HHIPL1: variants seen among roughly 807,000 people sequenced by gnomAD.
HHIPL1 encodes HHIP like 1.
Under a neutral mutation model 61.8 loss-of-function variants are expected in HHIPL1, and 43 were observed. The observed-to-expected ratio is 0.70, with a 90% CI of 0.55 to 0.90. HHIPL1 has a LOEUF of 0.90. Ranked by LOEUF, HHIPL1 falls within the 40% of genes least tolerant of loss-of-function variation. The pLI, the probability that HHIPL1 is intolerant of heterozygous loss-of-function variation, is 0.00. For missense variants in HHIPL1, 1,056 were observed against 1,157.7 expected, an observed-to-expected ratio of 0.91 and a Z score of 1.28; for synonymous variants, 482 against 515.8, an observed-to-expected ratio of 0.93 and a Z score of 0.89.
At chr14:99,665,693 C>T (rs2056233217) in intron 6 of HHIPL1, among the ~76,000 whole-genome samples, 1 of 152,224 alleles carries the variant, frequency 6.6e-6, no homozygotes, top group Non-Finnish European at 1.5e-5. Context: ...CTCGGCCTCC[C>T]AAAGTGCTGG....
At position 99,660,270 on chromosome 14, in the gene HHIPL1, C is replaced by T. The variant is rs1169087101; in HGVS notation, c.1376-10C>T. 1 of 1,614,002 alleles carries T rather than the reference C, an allele frequency of 6.2e-7. No homozygotes were observed. Among genetic ancestry groups the T allele is most frequent in the East Asian group, 2.2e-5 (1 of 44,832 alleles). On this transcript the variant is annotated splice_polypyrimidine_tract_variant and intron_variant, in intron 4 of 8. Transcript: ENST00000330710. This position sits in a 1 kb window ranked among gnomAD's most constrained non-coding sequence, Gnocchi z 4.9. ...GGCTCACCGAAGCTTCTCTCCCTCC[C>T]ACCCCGCAGATGACTTGCTGCCGAT...
In HHIPL1 at chr14:99,652,261, A is replaced by C. The variant is rs1464761745; in HGVS notation, c.293A>C (p.Glu98Ala). 6.2e-7 allele frequency: 1 copy of C among 1,612,402 alleles called. No individual in the cohort carries two copies. Among genetic ancestry groups the C allele is most frequent in the Non-Finnish European group, 8.5e-7 (1 of 1,179,220 alleles). Reference protein sequence around the residue: ...SPYAAHLYDAEDPFTPLRTVP... With the variant: ...SPYAAHLYDAADPFTPLRTVP... ...TATGCAGCCCACCTCTATGACGCCGAGGACCCATTCACGCCCCTGCGCACG... is the reference window on the plus strand; with the variant it reads ...TATGCAGCCCACCTCTATGACGCCGCGGACCCATTCACGCCCCTGCGCACG... Residue 98 changes from glutamate (E) to alanine (A), a missense_variant, in exon 2 of 9, where the codon GAG becomes GCG. By Grantham distance (107) the Glu-to-Ala change is moderately radical. Transcript: ENST00000330710.
At chr14:99,644,619 C>T (rs1451808812), upstream of HHIPL1, among the ~76,000 whole-genome samples, 3 of 151,992 alleles carry the variant, frequency 2.0e-5, no homozygotes, top group Non-Finnish European at 4.4e-5. Flanking sequence ...AATCCGCTGC[C>T]CCAGGAGCAG....
In HHIPL1 at chr14:99,652,696, C is replaced by G; in HGVS notation, c.728C>G (p.Pro243Arg). ...ATCAGCCGGGTGGTGCTCACCTCGC[C>G]CTGGGAGGGTGACGAGCGTGGCTTC... ...LNISRVVLTS[P>R]WEGDERGFLG... is the part of the protein sequence containing the mutation. The change falls in exon 2 of 9, where the codon CCC (proline) becomes CGC (arginine). Residue 243 changes from proline (P) to arginine (R), a missense_variant. Pro to Arg is a moderately radical substitution (Grantham distance 103). Transcript: ENST00000330710. 6.2e-7 allele frequency: 1 copy of G among 1,614,002 alleles called. No individual in the cohort carries two copies. Among genetic ancestry groups the G allele is most frequent in the Non-Finnish European group, 8.5e-7 (1 of 1,180,022 alleles).
At chr14:99,671,729 C>A (rs537081521) in intron 7 of HHIPL1, among the ~76,000 whole-genome samples, 92 of 152,362 alleles carry the variant, frequency 6.0e-4, no homozygotes, top group African/African-American at 1.7e-3. Context: ...TGTCTCCCTG[C>A]TCTCTCACAC....
chr14:99,654,538 G>A (rs114048865), intron 2 of HHIPL1, among the ~76,000 whole-genome samples: 51 of 152,338 alleles, frequency 3.3e-4, no homozygotes, highest in African/African-American at 1.1e-3. Flanking sequence ...GGGAAATGTC[G>A]TTCATAGGAG....
At chr14:99,609,600 A>G in the HHIPL1 span, among the ~76,000 whole-genome samples, 118 of 152,316 alleles carry the variant, frequency 7.7e-4, no homozygotes, top group African/African-American at 2.8e-3. Flanking sequence ...CTCAACTCCC[A>G]CATTTATAGG....
the HHIPL1 span, among the ~76,000 whole-genome samples, chr14:99,611,740 TG>T: frequency 3.0e-5 from 3 of 101,626 alleles, no homozygotes; most frequent in African/African-American, 5.3e-5. Context: ...GTTTTTGGGT[TG>T]TTTTTTTTTT....
In HHIPL1 at chr14:99,652,713, C is replaced by T. The variant is rs772231324; in HGVS notation, c.745C>T (p.Arg249Cys). The T allele has an allele frequency of 1.7e-5, 27 of 1,613,910 alleles. No individual in the cohort carries two copies. The highest frequency in any genetic ancestry group is 9.3e-5 in the African/African-American group (7 of 74,942). ...CACCTCGCCCTGGGAGGGTGACGAG[C>T]GTGGCTTCCTGGGCATTGCCTTCCA... Reference protein sequence around the residue: ...VLTSPWEGDERGFLGIAFHPS... With the variant: ...VLTSPWEGDECGFLGIAFHPS... The change falls in exon 2 of 9, where the codon CGT becomes TGT. Residue 249 changes from arginine to cysteine, a missense_variant. Arg to Cys is a radical substitution (Grantham distance 180). Coordinates refer to ENST00000330710, the MANE Select transcript of HHIPL1 (RefSeq NM_001127258.3).
chr14:99,679,480 G>C lies in HHIPL1; in HGVS notation c.*3854G>C, dbSNP rs2056420158. 1 of 152,406 alleles carries C rather than the reference G, an allele frequency of 6.6e-6. No individual in the cohort carries two copies. The highest frequency in any genetic ancestry group is 2.4e-5 in the African/African-American group (1 of 41,458). The allele number at this position is 152,406 out of a possible 1,614,324, so 9.4% of individuals were successfully genotyped here. ...TGGAGCCTCAGGGTCAATGCTGCAG[G>C]GGTGGCCCAGTGTCCAGGACTGTGT... On this transcript the variant is annotated 3_prime_UTR_variant, in exon 9 of 9. Coordinates refer to ENST00000330710, the MANE Select transcript of HHIPL1 (RefSeq NM_001127258.3).
chr14:99,644,451 T>C (rs1456017977), upstream of HHIPL1, among the ~76,000 whole-genome samples: 2 of 141,402 alleles, frequency 1.4e-5, no homozygotes, highest in African/African-American at 5.3e-5. Context: ...CGTGTGTGCG[T>C]CTGTATGTGT....
intron 5 of HHIPL1, among the ~76,000 whole-genome samples, chr14:99,661,750 G>C (rs2056157176): frequency 6.6e-6 from 1 of 152,178 alleles, no homozygotes; most frequent in Admixed American, 6.5e-5. Context: ...CAGGCTGAAG[G>C]TACGGTGCCC....
chr14:99,609,013 G>T, the HHIPL1 span, among the ~76,000 whole-genome samples: 55 of 152,300 alleles, frequency 3.6e-4, no homozygotes, highest in African/African-American at 1.3e-3. Flanking sequence ...CTGTGACTCT[G>T]GTTCTGTGAT....
upstream of HHIPL1, among the ~76,000 whole-genome samples, chr14:99,643,990 C>G (rs1345546898): frequency 1.3e-5 from 2 of 152,216 alleles, no homozygotes; most frequent in East Asian, 1.9e-4. Context: ...TGTATGGCTT[C>G]TTAGCCTCTT....
At chr14:99,662,783 A>T in intron 5 of HHIPL1, 93 bp from the exon 6 acceptor site, 1 of 1,196,298 alleles carries the variant, frequency 8.4e-7, no homozygotes. Flanking sequence ...GGAGGAATGG[A>T]TACATGGATG....
At position 99,668,702 on chromosome 14, in the gene HHIPL1, T is replaced by C. The variant is rs1347731793; in HGVS notation, c.1730+399T>C. The stretch of plus-strand genomic sequence containing the variant: ...GCCCCCAATTTGCCTCTGTGATGCC[T>C]CCCAGATGACACCCTGATCCCTGTG... On this transcript the variant is annotated intron_variant, in intron 7 of 8. Transcript: ENST00000330710. The surrounding 1 kb of genome is among the most constrained non-coding windows in gnomAD (Gnocchi z 4.7). 20 of 578,904 alleles carry C rather than the reference T, an allele frequency of 3.5e-5. No individual in the cohort carries two copies. The highest frequency in any genetic ancestry group is 3.3e-4 in the South Asian group (19 of 58,194). The allele number at this position is 578,904 out of a possible 1,614,324, so 35.9% of individuals were successfully genotyped here.
At chr14:99,666,337 GA>G (rs1200796299) in intron 6 of HHIPL1, among the ~76,000 whole-genome samples, 2 of 152,200 alleles carry the variant, frequency 1.3e-5, no homozygotes, top group Non-Finnish European at 2.9e-5. Context: ...ATTGTTTTCT[GA>G]GTCTCAACAG....
rs903730357 is a variant in HHIPL1, at chr14:99,668,006, G to C, written c.1649-216G>C. 1.3e-5 allele frequency among the ~76,000 whole-genome samples: 2 copies of C among 152,216 alleles called. No individual in the cohort carries two copies. Among genetic ancestry groups the C allele is most frequent in the Non-Finnish European group, 2.9e-5 (2 of 68,042 alleles). On this transcript the variant is annotated intron_variant, in intron 6 of 8. Coordinates refer to ENST00000330710, the MANE Select transcript of HHIPL1 (RefSeq NM_001127258.3). This position sits in a 1 kb window ranked among gnomAD's most constrained non-coding sequence, Gnocchi z 4.7. The stretch of plus-strand genomic sequence containing the variant: ...AGAGTGCCTGACACCCGGAAGACCA[G>C]GCTCCAGAGGCCCTTGGGTACAACC...
At chr14:99,604,875 T>C in the HHIPL1 span, among the ~76,000 whole-genome samples, 1 of 152,002 alleles carries the variant, frequency 6.6e-6, no homozygotes, top group Non-Finnish European at 1.5e-5. Context: ...AGGGCGGCTC[T>C]TTGTCCCCTT....
Sources: gnomAD v4.1 joint callset for allele counts (sites outside exome capture counted in the v4.1 genomes callset) on GRCh38, gnomAD v4.1.1 for gene constraint, Gnocchi (gnomAD v3.1) non-coding constraint, MANE v1.5 for transcripts, NCBI Gene and HGNC (gene_info 2026-07-23, HGNC 2026-07-21) for gene names.